Variants in ARID4B observed in about 807,000 individuals in gnomAD.
ARID4B encodes the protein AT-rich interaction domain 4B, also known as AT-rich interactive domain-containing protein 4B.
In ARID4B, 26 loss-of-function variants were observed where a neutral mutation model predicts 147.5. That is an observed-to-expected ratio of 0.18 (90% CI 0.13 to 0.24). ARID4B has a LOEUF of 0.24. Among genes scored for constraint, ARID4B ranks in the 10% least tolerant of loss-of-function variants. ARID4B has a pLI of 1.00. For missense variants in ARID4B, 1,179 were observed against 1,511.5 expected (o/e 0.78, Z 3.65); for synonymous variants, 512 against 507.9 (o/e 1.01, Z -0.11).
chr1:235,271,886 T>C (rs1053134018), intron 2 of ARID4B, among the ~76,000 whole-genome samples: 21 of 151,332 alleles, frequency 1.4e-4, no homozygotes, highest in African/African-American at 4.8e-4. Flanking sequence ...GAGGTGGAGG[T>C]TGCAGTGAGC....
intron 2 of ARID4B, among the ~76,000 whole-genome samples, chr1:235,273,496 A>G (rs957069002): frequency 1.3e-5 from 2 of 152,224 alleles, no homozygotes; most frequent in African/African-American, 4.8e-5. Context: ...TACCACTAAA[A>G]AAGAAAAAAG....
chr1:235,223,390 T>TATATATATATATACACACGTAG (rs1667620699), intron 12 of ARID4B, 130 bp from the exon 13 acceptor site: 2 of 185,030 alleles, frequency 1.1e-5, no homozygotes, highest in East Asian at 9.9e-5. Flanking sequence ...TATACACGTA[T>TATATATATATATACACACGTAG]ATATATGTGT....
At chr1:235,244,270 A>G (rs1669163377) in intron 7 of ARID4B, among the ~76,000 whole-genome samples, 1 of 152,224 alleles carries the variant, frequency 6.6e-6, no homozygotes, top group Non-Finnish European at 1.5e-5. Flanking sequence ...AACAGCAAAT[A>G]GACTGCTTTC....
chr1:235,249,438 G>A (rs936616176), intron 6 of ARID4B, among the ~76,000 whole-genome samples: 30 of 152,114 alleles, frequency 2.0e-4, no homozygotes, highest in Admixed American at 6.5e-5. Flanking sequence ...ACAGATGTTA[G>A]GCAGCAGGTA....
At chr1:235,262,326 A>C (rs1572102490) in intron 2 of ARID4B, among the ~76,000 whole-genome samples, 2 of 152,300 alleles carry the variant, frequency 1.3e-5, no homozygotes, top group East Asian at 3.9e-4. Context: ...TTCACATTCC[A>C]TGTATTTCAT....
chr1:235,301,368 T>G (rs537908599), intron 2 of ARID4B, among the ~76,000 whole-genome samples: 139 of 151,562 alleles, frequency 9.2e-4, no homozygotes, highest in African/African-American at 3.2e-3. Flanking sequence ...TGAAACCTTG[T>G]CTTTACAAAA....
At chr1:235,178,906 T>C (rs1002393455) in intron 20 of ARID4B, among the ~76,000 whole-genome samples, 2 of 152,182 alleles carry the variant, frequency 1.3e-5, no homozygotes, top group African/African-American at 4.8e-5. Flanking sequence ...AATACCTTTT[T>C]AAATTTTTAA....
chr1:235,174,976 C>T (rs186434335), intron 22 of ARID4B, among the ~76,000 whole-genome samples: 142 of 152,076 alleles, frequency 9.3e-4, no homozygotes, highest in Middle Eastern at 3.4e-3. Context: ...TGTGGTGGCG[C>T]GTGCCTGTAA....
At chr1:235,308,476 C>T (rs1463903771) in intron 2 of ARID4B, among the ~76,000 whole-genome samples, 1 of 147,574 alleles carries the variant, frequency 6.8e-6, no homozygotes, top group African/African-American at 2.6e-5. Flanking sequence ...TATCCCTCTC[C>T]CCACGGTCTC....
intron 11 of ARID4B, among the ~76,000 whole-genome samples, chr1:235,225,825 C>T (rs958758489): frequency 2.6e-5 from 4 of 152,000 alleles, no homozygotes; most frequent in African/African-American, 9.7e-5. Flanking sequence ...AAAGCTAGTA[C>T]AACAAAGAAA....
intron 2 of ARID4B, among the ~76,000 whole-genome samples, chr1:235,301,513 G>A (rs866563380): frequency 4.0e-5 from 6 of 149,164 alleles, no homozygotes; most frequent in Admixed American, 1.3e-4. Flanking sequence ...TACTCCAGCC[G>A]GTGAGAGTGA....
intron 2 of ARID4B, among the ~76,000 whole-genome samples, chr1:235,264,517 C>T (rs1369788835): frequency 1.3e-5 from 2 of 152,156 alleles, no homozygotes; most frequent in Non-Finnish European, 2.9e-5. Flanking sequence ...CTAATCCAAG[C>T]TCTACTCCTT....
chr1:235,262,056 G>A (rs72756088), intron 2 of ARID4B, among the ~76,000 whole-genome samples: 19,970 of 152,072 alleles, frequency 0.13, 1,522 homozygotes, highest in African/African-American at 0.2. Context: ...CAATCTATTT[G>A]TCCAAAGAAC....
intron 7 of ARID4B, among the ~76,000 whole-genome samples, chr1:235,244,117 G>A (rs538397493): frequency 6.6e-6 from 1 of 152,156 alleles, no homozygotes; most frequent in African/African-American, 2.4e-5. Flanking sequence ...CTGCAGGCCT[G>A]TATTTAAATA....
intron 2 of ARID4B, among the ~76,000 whole-genome samples, chr1:235,280,402 CAA>C (rs934947709): frequency 4.6e-5 from 7 of 152,200 alleles, no homozygotes; most frequent in Non-Finnish European, 8.8e-5. Flanking sequence ...CAGGCTCTAA[CAA>C]GAGACGATCA....
intron 12 of ARID4B, 37 bp from the exon 13 acceptor site, chr1:235,223,297 T>C (rs1667587808): frequency 9.0e-7 from 1 of 1,111,648 alleles, no homozygotes; most frequent in African/African-American, 1.7e-5. Context: ...AGATCCACAC[T>C]ACATTTTTAA....
At position 235,236,862 on chromosome 1, in the gene ARID4B, AT is replaced by A. The variant is rs869157061; in HGVS notation, c.586-2371del. On this transcript the variant is annotated intron_variant, in intron 8 of 23. Coordinates refer to ENST00000264183, the MANE Select transcript of ARID4B (RefSeq NM_016374.6). ...TATATATATATATATATATATATAT[AT>A]TTTTTTTTTTTTTTTTTTTTTTTTT... Among the ~76,000 whole-genome samples the A allele has an allele frequency of 5.0e-3, 88 of 17,454 alleles. 1 individual carries two copies. The highest frequency in any genetic ancestry group is 0.015 in the East Asian group (4 of 274). 11.5% of individuals were successfully genotyped at this position (17,454 alleles called of 152,430 possible).
At chr1:235,319,123 T>TA (rs1183063800) in intron 2 of ARID4B, among the ~76,000 whole-genome samples, 2 of 152,040 alleles carry the variant, frequency 1.3e-5, no homozygotes, top group African/African-American at 2.4e-5. Flanking sequence ...ACCTCATCTC[T>TA]AAAAAAACAA....
At chr1:235,257,821 T>C (rs1250130028) in intron 3 of ARID4B, among the ~76,000 whole-genome samples, 3 of 152,168 alleles carry the variant, frequency 2.0e-5, no homozygotes, top group Non-Finnish European at 4.4e-5. Context: ...AGTTATGAAT[T>C]TAGTTGTAAA....
Sources: gnomAD v4.1 joint callset for allele counts (sites outside exome capture counted in the v4.1 genomes callset) on GRCh38, gnomAD v4.1.1 for gene constraint, MANE v1.5 for transcripts, NCBI Gene and HGNC (gene_info 2026-07-23, HGNC 2026-07-21) for gene names.